Variants in ATP10D observed in about 807,000 individuals in gnomAD.
The protein encoded by ATP10D is ATPase phospholipid transporting 10D (putative).
Under a neutral mutation model 144.8 loss-of-function variants are expected in ATP10D, and 89 were observed. The ratio of observed to expected loss-of-function variants is 0.61; its 90% CI spans 0.52 to 0.73. The LOEUF is 0.73. Among genes scored for constraint, ATP10D ranks in the 30% least tolerant of loss-of-function variants. The pLI is 0.00. For missense variants in ATP10D, 1,603 were observed against 1,714.8 expected (o/e 0.93, Z 1.15); for synonymous variants, 571 against 615.1 (o/e 0.93, Z 1.06).
chr4:47,489,940 G>A (rs1373904721), intron 1 of ATP10D, among the ~76,000 whole-genome samples: 2 of 152,016 alleles, frequency 1.3e-5, no homozygotes. Context: ...AGGCCTTTTT[G>A]AATGAGGAAG....
rs1718462296 is a variant in ATP10D, at chr4:47,546,821, G to A, written c.1594G>A (p.Glu532Lys). 6.2e-7 allele frequency: 1 copy of A among 1,613,182 alleles called. No individual in the cohort carries two copies. Among genetic ancestry groups the A allele is most frequent in the African/African-American group, 1.3e-5 (1 of 74,906 alleles). The change falls in exon 10 of 23, where the codon GAA becomes AAA. Residue 532 changes from glutamate (E) to lysine (K), a missense_variant. Coordinates refer to ENST00000273859, the MANE Select transcript of ATP10D (RefSeq NM_020453.4). Reference sequence around the variant, plus strand: ...TCTAGGAAGTGGAGAAGGAGCCAGTGAAGTGCCTCATTCCAGACAGGCTGC... The same window carrying A: ...TCTAGGAAGTGGAGAAGGAGCCAGTAAAGTGCCTCATTCCAGACAGGCTGC... ...FTLGSGEGAS[E>K]VPHSRQAAFS...
chr4:47,550,195 T>A (rs779307303), intron 10 of ATP10D, among the ~76,000 whole-genome samples: 35 of 152,160 alleles, frequency 2.3e-4, no homozygotes, highest in Non-Finnish European at 4.9e-4. Context: ...AGAGTGTCTT[T>A]GTCCACTACT....
At chr4:47,506,166 G>A (rs1716011424) in intron 1 of ATP10D, among the ~76,000 whole-genome samples, 1 of 152,092 alleles carries the variant, frequency 6.6e-6, no homozygotes, top group Non-Finnish European at 1.5e-5. Context: ...TTTTACATGA[G>A]AATATTTGAT....
intron 5 of ATP10D, among the ~76,000 whole-genome samples, chr4:47,534,888 A>T (rs1717759326): frequency 6.6e-6 from 1 of 152,144 alleles, no homozygotes; most frequent in Non-Finnish European, 1.5e-5. Flanking sequence ...CTGATTCACA[A>T]TAGCAAAGAC....
At chr4:47,548,605 G>A (rs1196027030) in intron 10 of ATP10D, among the ~76,000 whole-genome samples, 1 of 152,176 alleles carries the variant, frequency 6.6e-6, no homozygotes, top group Non-Finnish European at 1.5e-5. Flanking sequence ...TACTTACCAG[G>A]CTGTCTTTTC....
intron 19 of ATP10D, chr4:47,578,423 C>T (rs745845267): frequency 1.3e-5 from 2 of 152,248 alleles, no homozygotes; most frequent in Non-Finnish European, 2.9e-5. Flanking sequence ...GGCTTCATGT[C>T]CAGACTTTCC....
chr4:47,512,264 T>C (rs2109400229), intron 1 of ATP10D, among the ~76,000 whole-genome samples: 1 of 152,312 alleles, frequency 6.6e-6, no homozygotes, highest in South Asian at 2.1e-4. Context: ...CTTCAAGTTA[T>C]GGAATGGCCT....
At chr4:47,486,530 A>G in intron 1 of ATP10D, among the ~76,000 whole-genome samples, 1 of 152,228 alleles carries the variant, frequency 6.6e-6, no homozygotes, top group East Asian at 1.9e-4. Context: ...TCTGTGAAGA[A>G]TAGCATCATC....
Position 47,515,630 on chromosome 4 carries a change from G to C in ATP10D, c.445G>C (p.Asp149His). 1 of 1,611,794 alleles carries C rather than the reference G, an allele frequency of 6.2e-7. No homozygotes were observed. Among genetic ancestry groups the C allele is most frequent in the Non-Finnish European group, 8.5e-7 (1 of 1,177,952 alleles). Residue 149 changes from aspartate to histidine, a missense_variant, in exon 3 of 23, where the codon GAC becomes CAC. Physicochemically the swap from Asp to His is moderately conservative, Grantham distance 81 (BLOSUM62 -1). Transcript: ENST00000273859. ...GLEDYRKYKI[D>H]KQINNLITKV... ...GGAAGATTATCGGAAATACAAAATT[G>C]ACAAACAGATCAATAATTTAATAAC...
intron 1 of ATP10D, among the ~76,000 whole-genome samples, chr4:47,509,146 C>T (rs554696059): frequency 6.6e-6 from 1 of 152,272 alleles, no homozygotes; most frequent in South Asian, 2.1e-4. Flanking sequence ...CCTTCTTGTC[C>T]AACTGCTGTC....
At chr4:47,586,866 C>T (rs1019511933) in intron 21 of ATP10D, among the ~76,000 whole-genome samples, 153 bp from the exon 22 acceptor site, 3 of 152,184 alleles carry the variant, frequency 2.0e-5, no homozygotes, top group Admixed American at 6.5e-5. Flanking sequence ...ATACTCCCAT[C>T]TCCTTGATAT....
At chr4:47,501,155 A>G (rs1322057528) in intron 1 of ATP10D, among the ~76,000 whole-genome samples, 4 of 152,208 alleles carry the variant, frequency 2.6e-5, no homozygotes, top group African/African-American at 9.6e-5. Flanking sequence ...TAACCATAAA[A>G]TTTGAAGTAA....
intron 3 of ATP10D, among the ~76,000 whole-genome samples, chr4:47,522,179 A>G (rs577715977): frequency 2.0e-5 from 3 of 152,342 alleles, no homozygotes; most frequent in African/African-American, 7.2e-5. Flanking sequence ...ATTCTACTAT[A>G]CAAATGTCCT....
At chr4:47,589,657 A>G (rs769656127) in intron 22 of ATP10D, among the ~76,000 whole-genome samples, 6 of 152,072 alleles carry the variant, frequency 3.9e-5, no homozygotes, top group Admixed American at 6.6e-5. Context: ...AATTTTTCTC[A>G]TTGACCTGGC....
At chr4:47,547,034 C>T in intron 10 of ATP10D, 172 bp downstream of exon 10, 1 of 623,384 alleles carries the variant, frequency 1.6e-6, no homozygotes, top group African/African-American at 1.8e-5. Flanking sequence ...CAAACAATAT[C>T]ACACTAGTCT....
chr4:47,538,099 TAC>T (rs1717942067), intron 9 of ATP10D, among the ~76,000 whole-genome samples: 2 of 152,222 alleles, frequency 1.3e-5, no homozygotes, highest in Admixed American at 1.3e-4. Context: ...GTAATGAAGT[TAC>T]ACTTTTTAAT....
intron 1 of ATP10D, chr4:47,491,125 T>A (rs1715053548): frequency 2.7e-6 from 2 of 732,750 alleles, no homozygotes; most frequent in Admixed American, 3.6e-5. Context: ...TTTCTTTTTC[T>A]GATCATTTTC....
Position 47,557,824 on chromosome 4 carries a change from TC to T in ATP10D, c.1986del (p.Phe663LeufsTer4). The stretch of plus-strand genomic sequence containing the variant: ...AACGCCTTTGTGAGCAGACTCCCTC[TC>T]TTTAGTCGAATGAAACCAGCTTCAC... ...VPNAFVSRLP[L>X]FSRMKPASPV... is the part of the protein sequence containing the mutation. On this transcript the variant is annotated frameshift_variant, in exon 12 of 23. Coordinates refer to ENST00000273859, the MANE Select transcript of ATP10D (RefSeq NM_020453.4). LOFTEE classifies it high-confidence loss of function. The T allele has an allele frequency of 6.2e-7, 1 of 1,614,210 alleles. No individual in the cohort carries two copies. Among genetic ancestry groups the T allele is most frequent in the Non-Finnish European group, 8.5e-7 (1 of 1,180,030 alleles).
intron 11 of ATP10D, among the ~76,000 whole-genome samples, chr4:47,555,137 A>G (rs1417049348): frequency 6.6e-6 from 1 of 152,210 alleles, no homozygotes; most frequent in East Asian, 1.9e-4. Flanking sequence ...CCTGTTAGGA[A>G]CCAGTCTGCA....
Sources: gnomAD v4.1 joint callset for allele counts (sites outside exome capture counted in the v4.1 genomes callset) on GRCh38, gnomAD v4.1.1 for gene constraint, MANE v1.5 for transcripts, NCBI Gene and HGNC (gene_info 2026-07-23, HGNC 2026-07-21) for gene names.